Variants in FSTL5 observed in about 807,000 individuals in gnomAD.
The protein encoded by FSTL5 is follistatin-related protein 5.
Under a neutral mutation model 89.1 loss-of-function variants are expected in FSTL5, and 62 were observed. The ratio of observed to expected loss-of-function variants is 0.70; its 90% CI spans 0.57 to 0.86. FSTL5 has a LOEUF of 0.86. Among genes scored for constraint, FSTL5 ranks in the 40% least tolerant of loss-of-function variants. The pLI is 0.00. For synonymous variants in FSTL5, 383 were observed against 346.2 expected (o/e 1.11, Z -1.18); for missense variants, 1,057 against 1,001.6 (o/e 1.06, Z -0.75).
chr4:161,690,828 C>T (rs114194358), intron 6 of FSTL5, among the ~76,000 whole-genome samples: 2,511 of 152,118 alleles, frequency 0.017, 23 homozygotes, highest in South Asian at 0.044. Flanking sequence ...TGAAAAGCCC[C>T]AGTGTGTGTT....
intron 10 of FSTL5, among the ~76,000 whole-genome samples, chr4:161,516,312 T>G (rs1730827878): frequency 6.7e-6 from 1 of 148,956 alleles, no homozygotes; most frequent in East Asian, 1.9e-4. Context: ...TAATTTATCC[T>G]TCAGACAATA....
At chr4:161,524,481 C>T (rs1042208428) in intron 10 of FSTL5, among the ~76,000 whole-genome samples, 14 of 152,134 alleles carry the variant, frequency 9.2e-5, no homozygotes, top group African/African-American at 3.1e-4. Context: ...CAGAGTTTGA[C>T]TCTTTTCATT....
intron 7 of FSTL5, among the ~76,000 whole-genome samples, chr4:161,647,410 A>G (rs1736189386): frequency 6.6e-6 from 1 of 152,166 alleles, no homozygotes; most frequent in Non-Finnish European, 1.5e-5. Context: ...AAGTTTTGAA[A>G]TAAGGAAATG....
At chr4:161,988,863 ACAAGATAAT>A (rs1223593549) in intron 3 of FSTL5, among the ~76,000 whole-genome samples, 1 of 152,152 alleles carries the variant, frequency 6.6e-6, no homozygotes, top group Admixed American at 6.6e-5. Context: ...GTGAATGCAA[ACAAGATAAT>A]CATAGAAGTG....
chr4:162,058,874 A>G (rs2111276230), intron 2 of FSTL5, among the ~76,000 whole-genome samples: 1 of 152,306 alleles, frequency 6.6e-6, no homozygotes, highest in East Asian at 1.9e-4. Context: ...TTAGGAAAAA[A>G]ATTAATGAAC....
At chr4:161,842,962 A>T (rs958437186) in intron 4 of FSTL5, among the ~76,000 whole-genome samples, 25 of 152,134 alleles carry the variant, frequency 1.6e-4, no homozygotes, top group African/African-American at 5.3e-4. Flanking sequence ...TGTTTGCCCC[A>T]CTATATTTTT....
At chr4:161,925,473 T>C (rs565770448) in intron 3 of FSTL5, among the ~76,000 whole-genome samples, 1 of 152,044 alleles carries the variant, frequency 6.6e-6, no homozygotes, top group African/African-American at 2.4e-5. Context: ...TGACTACATG[T>C]ATGATTTTTA....
In FSTL5 at chr4:161,406,891, C is replaced by A. The variant is rs138816479; in HGVS notation, c.1842-20442G>T. Among the ~76,000 whole-genome samples, 5 of 152,136 alleles carry A rather than the reference C, an allele frequency of 3.3e-5. No individual in the cohort carries two copies. In the East Asian group the frequency reaches 7.7e-4, roughly 24 times the overall value. On this transcript the variant is annotated intron_variant, in intron 15 of 15. Coordinates refer to ENST00000306100, the MANE Select transcript of FSTL5 (RefSeq NM_020116.5). Reference sequence around the variant, plus strand: ...TAATTTTAATCAATTTTGCCCACACCCGCCTTTTTTAAGGTTCCAGAACAA... The same window carrying A: ...TAATTTTAATCAATTTTGCCCACACACGCCTTTTTTAAGGTTCCAGAACAA...
intron 5 of FSTL5, among the ~76,000 whole-genome samples, chr4:161,762,249 G>A (rs142215029): frequency 3.3e-5 from 5 of 152,014 alleles, no homozygotes; most frequent in Admixed American, 6.6e-5. Flanking sequence ...TCACTGCAAC[G>A]TCTGCCTCCC....
intron 6 of FSTL5, among the ~76,000 whole-genome samples, chr4:161,707,661 T>G (rs940537011): frequency 1.3e-5 from 2 of 151,964 alleles, no homozygotes; most frequent in African/African-American, 4.8e-5. Flanking sequence ...TGTATTGATA[T>G]ACACAAATAC....
At chr4:161,776,681 TA>T (rs202147381) in intron 4 of FSTL5, among the ~76,000 whole-genome samples, 1 of 151,614 alleles carries the variant, frequency 6.6e-6, no homozygotes. Context: ...TATTATTATT[TA>T]AAAAAATTTT....
At chr4:161,911,826 A>C (rs1426137236) in intron 4 of FSTL5, among the ~76,000 whole-genome samples, 1 of 152,178 alleles carries the variant, frequency 6.6e-6, no homozygotes, top group African/African-American at 2.4e-5. Flanking sequence ...CTAATTATTC[A>C]TGCTTTTTTC....
At chr4:161,705,932 ATGTGTGTGTGTAGATGTG>A (rs1560800075) in intron 6 of FSTL5, among the ~76,000 whole-genome samples, 1 of 108,770 alleles carries the variant, frequency 9.2e-6, no homozygotes, top group Non-Finnish European at 1.9e-5. Flanking sequence ...ATACATATGC[ATGTGTGTGTGTAGATGTG>A]TGTATATATA....
At chr4:161,749,477 A>G (rs1452807543) in intron 6 of FSTL5, among the ~76,000 whole-genome samples, 3 of 152,188 alleles carry the variant, frequency 2.0e-5, no homozygotes, top group Admixed American at 2.0e-4. Flanking sequence ...AGTGAGAGCT[A>G]AACAATGGAT....
chr4:161,964,366 G>A (rs545948514), intron 3 of FSTL5, among the ~76,000 whole-genome samples: 11 of 152,036 alleles, frequency 7.2e-5, no homozygotes, highest in East Asian at 3.9e-4. Context: ...TCCATAGAGC[G>A]GTGCAGCAGC....
intron 4 of FSTL5, among the ~76,000 whole-genome samples, chr4:161,796,972 G>A (rs1729650119): frequency 6.6e-6 from 1 of 151,338 alleles, no homozygotes; most frequent in African/African-American, 2.4e-5. Context: ...AGTTATCTCA[G>A]GACTCTTTTA....
At chr4:161,702,330 G>C (rs1030308893) in intron 6 of FSTL5, among the ~76,000 whole-genome samples, 2 of 152,096 alleles carry the variant, frequency 1.3e-5, no homozygotes, top group African/African-American at 4.8e-5. Flanking sequence ...TTATTACCAG[G>C]TCAATTTAGT....
At chr4:161,800,386 C>A (rs1729755148) in intron 4 of FSTL5, among the ~76,000 whole-genome samples, 1 of 151,664 alleles carries the variant, frequency 6.6e-6, no homozygotes. Context: ...TCACTGTCAG[C>A]AGCTTTCACC....
At chr4:161,837,814 A>C (rs1046031869) in intron 4 of FSTL5, among the ~76,000 whole-genome samples, 3 of 152,166 alleles carry the variant, frequency 2.0e-5, no homozygotes, top group African/African-American at 7.2e-5. Context: ...CATCTTCTCT[A>C]TTATGCATTT....
Sources: allele counts gnomAD v4.1 joint callset (sites outside exome capture counted in the v4.1 genomes callset), GRCh38; gene constraint gnomAD v4.1.1; transcripts MANE v1.5; gene names NCBI Gene and HGNC (gene_info 2026-07-23, HGNC 2026-07-21).